The following NUP35 variants were observed in gnomAD, a reference collection of about 807,000 sequenced individuals.
NUP35 encodes nucleoporin NUP35.
Under a neutral mutation model 41.5 loss-of-function variants are expected in NUP35, and 25 were observed. The ratio of observed to expected loss-of-function variants is 0.60; its 90% CI spans 0.44 to 0.84. The LOEUF (loss-of-function observed/expected upper bound fraction) is 0.84, where lower values mean the gene tolerates loss of function less well. Among genes scored for constraint, NUP35 ranks in the 40% least tolerant of loss-of-function variants. The probability of loss-of-function intolerance (pLI) is 0.00; values close to 1 mark genes in which losing one functional copy is unlikely to be tolerated. For synonymous variants in NUP35, 149 were observed against 130.7 expected (o/e 1.14, Z -0.96); for missense variants, 396 against 396.6 (o/e 1.00, Z 0.01).
In NUP35 at chr2:183,133,613, T is replaced by G; in HGVS notation, c.387T>G (p.Thr129=). ...GTCCTCTTGTTGGAGTTACATCTAC[T>G]CCTGGAACAGGTAAGTGATTCTTTC... is the stretch of plus-strand genomic sequence containing the variant. ...MQSPLVGVTS[T]PGTGQSMFSP... is the part of the protein sequence containing the mutation. The change falls in exon 4 of 9, where the codon ACT becomes ACG. Residue 129 remains threonine, a synonymous_variant. Coordinates refer to ENST00000295119, the MANE Select transcript of NUP35 (RefSeq NM_138285.5). 1 of 1,584,910 alleles carries G rather than the reference T, an allele frequency of 6.3e-7. No individual in the cohort carries two copies. Among genetic ancestry groups the G allele is most frequent in the East Asian group, 2.3e-5 (1 of 44,276 alleles).
rs572964193 is a variant in NUP35, at chr2:183,157,433, CT to C, written c.540-4del. On this transcript the variant is annotated splice_polypyrimidine_tract_variant and intron_variant, in intron 5 of 8. Coordinates refer to ENST00000295119, the MANE Select transcript of NUP35 (RefSeq NM_138285.5). Reference sequence around the variant, plus strand: ...AAGCTGACGTTTTCTTTGGACAACTCTTTTTTTCAGGTTTCCTCAAGCATCT... The same window carrying C: ...AAGCTGACGTTTTCTTTGGACAACTCTTTTTTCAGGTTTCCTCAAGCATCT... The C allele has an allele frequency of 1.2e-6, 2 of 1,601,976 alleles. No homozygotes were observed. Among genetic ancestry groups the C allele is most frequent in the Non-Finnish European group, 1.7e-6 (2 of 1,169,380 alleles).
chr2:183,159,724 G>A (rs2105624612), intron 8 of NUP35, 72 bp downstream of exon 8: 1 of 1,139,130 alleles, frequency 8.8e-7, no homozygotes, highest in Non-Finnish European at 1.3e-6. Flanking sequence ...CTTTTTCATT[G>A]TATTGATTTG....
upstream of NUP35, chr2:183,124,375 A>C (rs573033067): frequency 1.2e-5 from 19 of 1,612,766 alleles, no homozygotes; most frequent in East Asian, 1.8e-4. Context: ...ATAAGGTAGC[A>C]CGCCGTTACC....
intron 4 of NUP35, among the ~76,000 whole-genome samples, chr2:183,138,269 A>ATATATATATATATATT: frequency 3.7e-5 from 3 of 80,696 alleles, no homozygotes; most frequent in African/African-American, 1.9e-4. Flanking sequence ...ATATATATAT[A>ATATATATATATATATT]TTTTTTTTTT....
At chr2:183,122,560 C>T (rs1347036556), upstream of NUP35, among the ~76,000 whole-genome samples, 7 of 152,170 alleles carry the variant, frequency 4.6e-5, no homozygotes, top group South Asian at 1.4e-3. Context: ...TATTTACACT[C>T]ATATCAAATC....
chr2:183,126,346 T>C (rs1559140983), intron 1 of NUP35, among the ~76,000 whole-genome samples: 1 of 152,244 alleles, frequency 6.6e-6, no homozygotes, highest in Admixed American at 6.5e-5. Flanking sequence ...TCCAGATACA[T>C]CAGAACTTTT....
chr2:183,127,485 A>G (rs1684536140), intron 1 of NUP35, among the ~76,000 whole-genome samples: 1 of 152,216 alleles, frequency 6.6e-6, no homozygotes, highest in South Asian at 2.1e-4. Flanking sequence ...GACTCTTTTC[A>G]ACATGTTTCT....
At position 183,153,064 on chromosome 2, in the gene NUP35, C is replaced by T. The variant is rs542316790; in HGVS notation, c.539+1415C>T. On this transcript the variant is annotated intron_variant, in intron 5 of 8. Coordinates refer to ENST00000295119, the MANE Select transcript of NUP35 (RefSeq NM_138285.5). ...AGAGAAAATGAGGAAGAAGCAAAAG[C>T]GGAAGCCCCTGATAAACCCATCAGA... Among the ~76,000 whole-genome samples, 101 of 152,188 alleles carry T rather than the reference C, an allele frequency of 6.6e-4. 1 individual carries two copies. The highest frequency in any genetic ancestry group is 1.1e-3 in the Non-Finnish European group (73 of 68,002).
In NUP35 at chr2:183,132,758, A is replaced by G. The variant is rs999721136; in HGVS notation, c.340-808A>G. 3.3e-5 allele frequency among the ~76,000 whole-genome samples: 5 copies of G among 152,128 alleles called. No individual in the cohort carries two copies. In the East Asian group the frequency reaches 9.6e-4, roughly 29 times the overall value. ...TGATTTGAAAGTTGGTAAGAATATT[A>G]TTGCTAGATTAGAGCCCAAATTAGT... On this transcript the variant is annotated intron_variant, in intron 3 of 8. Coordinates refer to ENST00000295119, the MANE Select transcript of NUP35 (RefSeq NM_138285.5).
chr2:183,129,786 C>T (rs1259574167), intron 2 of NUP35, among the ~76,000 whole-genome samples: 2 of 152,224 alleles, frequency 1.3e-5, no homozygotes. Context: ...TTAAGCTGTA[C>T]AGTCCAGGCT....
At chr2:183,124,442 T>G (rs201276489), upstream of NUP35, 3 of 1,614,160 alleles carry the variant, frequency 1.9e-6, no homozygotes, top group East Asian at 6.7e-5. Context: ...TGGTTTTAAG[T>G]GTAGTTGCCG....
intron 1 of NUP35, among the ~76,000 whole-genome samples, chr2:183,126,496 TTTTGG>T (rs1472579743): frequency 6.6e-6 from 1 of 152,220 alleles, no homozygotes; most frequent in Non-Finnish European, 1.5e-5. Flanking sequence ...TTGTTTAGAC[TTTTGG>T]TTTGATTTTA....
At chr2:183,145,321 C>G (rs1350162596) in intron 4 of NUP35, among the ~76,000 whole-genome samples, 2 of 152,158 alleles carry the variant, frequency 1.3e-5, no homozygotes, top group Non-Finnish European at 2.9e-5. Context: ...AGAAGAGTTT[C>G]AGATTTTGGA....
intron 4 of NUP35, among the ~76,000 whole-genome samples, chr2:183,138,558 A>G (rs1684974008): frequency 6.6e-6 from 1 of 152,080 alleles, no homozygotes; most frequent in African/African-American, 2.4e-5. Context: ...GGATTAAAGA[A>G]TATAAGAAAC....
intron 4 of NUP35, among the ~76,000 whole-genome samples, chr2:183,136,187 T>C (rs1381998126): frequency 6.6e-6 from 1 of 152,202 alleles, no homozygotes; most frequent in Non-Finnish European, 1.5e-5. Context: ...ATTTCCACAT[T>C]TTTACTTGGG....
chr2:183,157,486 A>G lies in NUP35; in HGVS notation c.582A>G (p.Ala194=), dbSNP rs780761073. The G allele has an allele frequency of 5.0e-6, 8 of 1,612,316 alleles. No individual in the cohort carries two copies. In the South Asian group the frequency reaches 7.7e-5, roughly 15 times the overall value. ...ASASYILLQF[A]QYGNILKHVM... ...CTTCCTACATATTACTACAATTTGC[A>G]CAGTATGGGAATATCTTAAAACATG... is the stretch of plus-strand genomic sequence containing the variant. The change falls in exon 6 of 9, where the codon GCA becomes GCG. Residue 194 remains alanine (A), a synonymous_variant. Coordinates refer to ENST00000295119, the MANE Select transcript of NUP35 (RefSeq NM_138285.5).
intron 1 of NUP35, among the ~76,000 whole-genome samples, chr2:183,126,863 G>A (rs781756845): frequency 2.4e-4 from 37 of 152,138 alleles, no homozygotes; most frequent in Non-Finnish European, 4.4e-4. Context: ...TTGTCACCTA[G>A]TTGAAAATTA....
intron 8 of NUP35, 47 bp downstream of exon 8, chr2:183,159,699 G>C (rs760550919): frequency 4.0e-5 from 56 of 1,413,866 alleles, no homozygotes; most frequent in Non-Finnish European, 6.9e-6. Flanking sequence ...ATGGCTGAGT[G>C]CATAGCATGC....
intron 4 of NUP35, among the ~76,000 whole-genome samples, chr2:183,146,682 T>C (rs1685289452): frequency 6.6e-6 from 1 of 152,052 alleles, no homozygotes; most frequent in Admixed American, 6.6e-5. Flanking sequence ...CTGCAACCTC[T>C]ACTCCCCGGG....
Sources: allele counts gnomAD v4.1 joint callset (sites outside exome capture counted in the v4.1 genomes callset), GRCh38; gene constraint gnomAD v4.1.1; transcripts MANE v1.5; gene names NCBI Gene and HGNC (gene_info 2026-07-23, HGNC 2026-07-21).